HHIP: variants seen among roughly 807,000 people sequenced by gnomAD.
The protein encoded by HHIP is hedgehog-interacting protein.
Under a neutral mutation model 74.0 loss-of-function variants are expected in HHIP, and 12 were observed. That is an observed-to-expected ratio of 0.16 (90% CI 0.10 to 0.26). The LOEUF (loss-of-function observed/expected upper bound fraction) is 0.26. HHIP is among the 10% of genes least tolerant of loss of function. HHIP has a pLI of 1.00. For missense variants in HHIP, 788 were observed against 845.0 expected (o/e 0.93, Z 0.84); for synonymous variants, 309 against 311.6 (o/e 0.99, Z 0.09).
intron 7 of HHIP, among the ~76,000 whole-genome samples, chr4:144,710,630 G>C (rs1025017917): frequency 3.9e-5 from 6 of 152,140 alleles, no homozygotes; most frequent in African/African-American, 1.4e-4. Flanking sequence ...GCCTAGAACA[G>C]TGATTCTCAA....
intron 4 of HHIP, among the ~76,000 whole-genome samples, chr4:144,698,509 C>T (rs1729884624): frequency 6.6e-6 from 1 of 152,152 alleles, no homozygotes; most frequent in South Asian, 2.1e-4. Flanking sequence ...TAGGCTCTAC[C>T]ATCTCAGAAG....
chr4:144,646,957 A>G lies in HHIP; in HGVS notation c.279+3A>G. 6.3e-7 allele frequency: 1 copy of G among 1,596,236 alleles called. No individual in the cohort carries two copies. The highest frequency in any genetic ancestry group is 1.1e-5 in the South Asian group (1 of 88,760). ...GGCTAGGGCGCCTGGAGAATAAGGT[A>G]GGCACTCACCGGCTTCACGGATGCG... is the stretch of plus-strand genomic sequence containing the variant. On this transcript the variant is annotated splice_donor_region_variant and intron_variant, in intron 1 of 12. Coordinates refer to ENST00000296575, the MANE Select transcript of HHIP (RefSeq NM_022475.3).
At chr4:144,686,981 T>C (rs567534553) in intron 4 of HHIP, among the ~76,000 whole-genome samples, 1 of 151,994 alleles carries the variant, frequency 6.6e-6, no homozygotes, top group East Asian at 1.9e-4. Flanking sequence ...TTGCTCTTTA[T>C]CTCTTGGGCC....
chr4:144,726,668 A>G (rs1730816021), intron 11 of HHIP, among the ~76,000 whole-genome samples: 1 of 152,186 alleles, frequency 6.6e-6, no homozygotes, highest in African/African-American at 2.4e-5. Flanking sequence ...TCAGCACAAC[A>G]TGAAAGTAGT....
intron 4 of HHIP, among the ~76,000 whole-genome samples, chr4:144,680,452 T>A (rs558852358): frequency 1.3e-5 from 2 of 152,316 alleles, no homozygotes; most frequent in South Asian, 4.1e-4. Context: ...TAGAGGATTG[T>A]TACCAGAAGA....
chr4:144,712,015 A>G lies in HHIP; in HGVS notation c.1367A>G (p.Asn456Ser), dbSNP rs200048905. 4.2e-5 allele frequency: 67 copies of G among 1,611,958 alleles called. No individual in the cohort carries two copies. The highest frequency in any genetic ancestry group is 2.7e-5 in the African/African-American group (2 of 74,990). ...INLTILCSDS[N>S]GKNRSSARIL... ...TTAACGATACTGTGTTCAGACTCCA[A>G]TGGAAAAAACAGATCATCAGCCAGA... The change falls in exon 8 of 13, where the codon AAT (asparagine) becomes AGT (serine). Residue 456 changes from asparagine (N) to serine (S), a missense_variant. Coordinates refer to ENST00000296575, the MANE Select transcript of HHIP (RefSeq NM_022475.3).
intron 7 of HHIP, among the ~76,000 whole-genome samples, chr4:144,710,145 C>T (rs1730253069): frequency 6.6e-6 from 1 of 152,204 alleles, no homozygotes; most frequent in Admixed American, 6.5e-5. Context: ...GCCATAGCTC[C>T]AAGCCCCCAG....
At chr4:144,649,165 G>A (rs1468525970) in intron 1 of HHIP, among the ~76,000 whole-genome samples, 1 of 151,702 alleles carries the variant, frequency 6.6e-6, no homozygotes, top group East Asian at 1.9e-4. Flanking sequence ...TATATGTTAG[G>A]ATCTTATTTC....
chr4:144,720,003 G>A (rs769596600), intron 11 of HHIP, among the ~76,000 whole-genome samples: 3 of 152,096 alleles, frequency 2.0e-5, no homozygotes, highest in Non-Finnish European at 2.9e-5. Flanking sequence ...AATGTAGGTC[G>A]ACATTGGCTC....
chr4:144,663,275 C>G (rs773356221), intron 4 of HHIP, among the ~76,000 whole-genome samples: 5 of 151,946 alleles, frequency 3.3e-5, no homozygotes, highest in African/African-American at 7.3e-5. Context: ...GCCTAGGCAA[C>G]AGAGCGAGAC....
intron 4 of HHIP, among the ~76,000 whole-genome samples, chr4:144,688,848 G>T (rs1349594370): frequency 6.6e-6 from 1 of 152,156 alleles, no homozygotes; most frequent in Non-Finnish European, 1.5e-5. Context: ...GAAGGCCATA[G>T]ACATTTTATG....
Position 144,738,182 on chromosome 4 carries a change from C to A in HHIP, c.*225C>A. 8.8e-7 allele frequency: 1 copy of A among 1,130,948 alleles called. No homozygotes were observed. Among genetic ancestry groups the A allele is most frequent in the Non-Finnish European group, 1.1e-6 (1 of 923,586 alleles). 70.1% of individuals were successfully genotyped at this position (1,130,948 alleles called of 1,614,324 possible). ...AACCCCTATATGCGTTGTTGCATAA[C>A]AGATGATTTTTTAAAATATATACTT... On this transcript the variant is annotated 3_prime_UTR_variant, in exon 13 of 13. Transcript: ENST00000296575.
At chr4:144,651,090 A>T (rs953667504) in intron 1 of HHIP, 2 of 152,148 alleles carry the variant, frequency 1.3e-5, no homozygotes, top group Non-Finnish European at 2.9e-5. Flanking sequence ...ACAGTTGAAC[A>T]CTATTAATTT....
In HHIP at chr4:144,744,258, A is replaced by T. The variant is rs1731329625; in HGVS notation, c.*6301A>T. ...AATTGTTGAATCACAATGAACAAAC[A>T]TAAAACAATACTTAAATGAGAATTC... On this transcript the variant is annotated 3_prime_UTR_variant, in exon 13 of 13. Coordinates refer to ENST00000296575, the MANE Select transcript of HHIP (RefSeq NM_022475.3). 1 of 152,234 alleles carries T rather than the reference A, an allele frequency of 6.6e-6. No individual in the cohort carries two copies. Among genetic ancestry groups the T allele is most frequent in the Admixed American group, 6.5e-5 (1 of 15,274 alleles). The allele number at this position is 152,234 out of a possible 1,614,324, so 9.4% of individuals were successfully genotyped here.
At chr4:144,694,668 T>C (rs1729766061) in intron 4 of HHIP, among the ~76,000 whole-genome samples, 1 of 151,766 alleles carries the variant, frequency 6.6e-6, no homozygotes, top group Non-Finnish European at 1.5e-5. Flanking sequence ...TTCTTTCTTC[T>C]ATTGAAAAGG....
chr4:144,699,416 A>G (rs1021420399), intron 4 of HHIP, among the ~76,000 whole-genome samples: 4 of 152,106 alleles, frequency 2.6e-5, no homozygotes, highest in Admixed American at 2.6e-4. Context: ...CTCTCTGTGA[A>G]CCCTATTGTT....
intron 11 of HHIP, among the ~76,000 whole-genome samples, chr4:144,734,100 T>C (rs1731040418): frequency 6.6e-6 from 1 of 151,782 alleles, no homozygotes; most frequent in Non-Finnish European, 1.5e-5. Flanking sequence ...TCTTCACATA[T>C]ATATGGATCT....
At chr4:144,700,906 C>CA (rs1251134040) in intron 4 of HHIP, among the ~76,000 whole-genome samples, 1 of 152,146 alleles carries the variant, frequency 6.6e-6, no homozygotes, top group African/African-American at 2.4e-5. Context: ...TAACAGTTCT[C>CA]AAACAAACCT....
chr4:144,719,720 C>A (rs1187318155), intron 11 of HHIP, among the ~76,000 whole-genome samples: 3 of 152,180 alleles, frequency 2.0e-5, no homozygotes, highest in Non-Finnish European at 2.9e-5. Flanking sequence ...CTAATCATAA[C>A]AAAACCTAAG....
Sources: allele counts gnomAD v4.1 joint callset (sites outside exome capture counted in the v4.1 genomes callset), GRCh38; gene constraint gnomAD v4.1.1; transcripts MANE v1.5; gene names NCBI Gene and HGNC (gene_info 2026-07-23, HGNC 2026-07-21).